The following SLTM variants were observed in gnomAD, a reference collection of about 807,000 sequenced individuals.
The protein encoded by SLTM is SAFB-like transcription modulator.
Under a neutral mutation model 134.6 loss-of-function variants are expected in SLTM, and 43 were observed. That is an observed-to-expected ratio of 0.32 (90% confidence interval 0.25 to 0.41). SLTM has a LOEUF of 0.41. Ranked by LOEUF, SLTM falls within the 10% of genes least tolerant of loss-of-function variation. The pLI, the probability that SLTM is intolerant of heterozygous loss-of-function variation, is 1.00. For missense variants in SLTM, 1,055 were observed against 1,288.8 expected (o/e 0.82, Z 2.78); for synonymous variants, 424 against 432.3 (o/e 0.98, Z 0.24).
In SLTM at chr15:58,883,751, A is replaced by G. The variant is rs1352218854; in HGVS notation, c.2871T>C (p.His957=). The G allele has an allele frequency of 3.7e-6, 6 of 1,614,082 alleles. No individual in the cohort carries two copies. Among genetic ancestry groups the G allele is most frequent in the Admixed American group, 1.7e-5 (1 of 60,004 alleles). Residue 957 remains histidine (H), a synonymous_variant, in exon 20 of 21, where the codon CAT becomes CAC. Coordinates refer to ENST00000380516, the MANE Select transcript of SLTM (RefSeq NM_024755.4). ...TCCTTGGTCCGCTTGTGTCCCGTCC[A>G]TGGCGTTCAACCACATGTCGCTCCT... ...YPEERHVVER[H]GRDTSGPRKE...
chr15:58,894,508 T>C lies in SLTM; in HGVS notation c.1302A>G (p.Ser434=). The C allele has an allele frequency of 1.2e-6, 2 of 1,614,124 alleles. No individual in the cohort carries two copies. The part of the protein sequence containing the change: ...AKCYGIVTMS[S]STEVSRCIAH... ...CAATACACCTGGACACCTCTGTGCT[T>C]GAAGACATAGTTACAATGCCATAGC... Residue 434 remains serine, a synonymous_variant, in exon 10 of 21, where the codon TCA becomes TCG. Coordinates refer to ENST00000380516, the MANE Select transcript of SLTM (RefSeq NM_024755.4).
rs926892313 is a variant in SLTM at position 58,913,565 on chromosome 15, C to T, written c.447G>A (p.Lys149=). 3.7e-6 allele frequency: 6 copies of T among 1,613,288 alleles called. No individual in the cohort carries two copies. The highest frequency in any genetic ancestry group is 5.1e-6 in the Non-Finnish European group (6 of 1,179,872). The change falls in exon 4 of 21, where the codon AAG becomes AAA. Residue 149 remains lysine, a synonymous_variant. Transcript: ENST00000380516. The stretch of plus-strand genomic sequence containing the variant: ...CTGCCTCTATTAATTCATGAGCTCT[C>T]TTGTTTTCTTCTGCAGAGAGTAACT... ...SKELLSAEEN[K]RAHELIEAEG...
In SLTM at chr15:58,932,352, C is replaced by A; in HGVS notation, c.250+4G>T. 1 of 1,606,338 alleles carries A rather than the reference C, an allele frequency of 6.2e-7. No individual in the cohort carries two copies. On this transcript the variant is annotated splice_donor_region_variant and intron_variant, in intron 2 of 20. Coordinates refer to ENST00000380516, the MANE Select transcript of SLTM (RefSeq NM_024755.4). ...TTTAAAACATGTTCATAACTCGTAA[C>A]AACCTTTGCCTTTAGTTGGTTTCTT...
At chr15:58,902,438 G>C (rs1271088403) in intron 5 of SLTM, among the ~76,000 whole-genome samples, 2 of 150,194 alleles carry the variant, frequency 1.3e-5, no homozygotes, top group Admixed American at 1.3e-4. Context: ...CCAGGCTAGA[G>C]TGCAGCAGCA....
chr15:58,884,849 C>T (rs924549931), intron 19 of SLTM, among the ~76,000 whole-genome samples: 2 of 151,900 alleles, frequency 1.3e-5, no homozygotes, highest in African/African-American at 2.4e-5. Flanking sequence ...TGTCCAAGCT[C>T]GTCTCGAACC....
At chr15:58,930,461 T>TA (rs1465822582) in intron 2 of SLTM, among the ~76,000 whole-genome samples, 8 of 151,936 alleles carry the variant, frequency 5.3e-5, no homozygotes, top group Non-Finnish European at 1.2e-4. Flanking sequence ...CTGAATACCT[T>TA]AAGACCTCTT....
At chr15:58,930,776 G>T (rs1428296868) in intron 2 of SLTM, among the ~76,000 whole-genome samples, 1 of 147,604 alleles carries the variant, frequency 6.8e-6, no homozygotes, top group Non-Finnish European at 1.5e-5. Context: ...CATATATATA[G>T]ATATATATAC....
At chr15:58,925,311 A>C (rs2037381351) in intron 2 of SLTM, among the ~76,000 whole-genome samples, 1 of 152,118 alleles carries the variant, frequency 6.6e-6, no homozygotes, top group Non-Finnish European at 1.5e-5. Flanking sequence ...TCTTAAACAC[A>C]ACAGTCATAC....
chr15:58,927,240 G>C (rs1364946837), intron 2 of SLTM, among the ~76,000 whole-genome samples: 1 of 151,694 alleles, frequency 6.6e-6, no homozygotes, highest in African/African-American at 2.4e-5. Context: ...TCTTTTTTTT[G>C]TTTGTTTTCT....
chr15:58,906,272 A>G (rs1231356429), intron 5 of SLTM, among the ~76,000 whole-genome samples: 1 of 152,206 alleles, frequency 6.6e-6, no homozygotes, highest in East Asian at 1.9e-4. Flanking sequence ...TAAAACATTT[A>G]TTTGTCAAAT....
At chr15:58,888,810 C>A in intron 16 of SLTM, 1 of 320,490 alleles carries the variant, frequency 3.1e-6, no homozygotes, top group Non-Finnish European at 5.7e-6. Flanking sequence ...ATGGAAAAGA[C>A]ATTTAGCATT....
chr15:58,919,561 G>C (rs1185119387), intron 2 of SLTM, among the ~76,000 whole-genome samples: 4 of 152,076 alleles, frequency 2.6e-5, no homozygotes, highest in Admixed American at 6.6e-5. Context: ...AGGAGGGCAA[G>C]GCTGCAGTGA....
chr15:58,885,849 A>T (rs1323001174), intron 19 of SLTM, among the ~76,000 whole-genome samples: 1 of 152,100 alleles, frequency 6.6e-6, no homozygotes, highest in Non-Finnish European at 1.5e-5. Context: ...GTATTAAAAT[A>T]CAAAACAAAC....
At chr15:58,884,835 A>G (rs1256846987) in intron 19 of SLTM, among the ~76,000 whole-genome samples, 2 of 151,540 alleles carry the variant, frequency 1.3e-5, no homozygotes, top group African/African-American at 4.9e-5. Context: ...GGGTCTCACT[A>G]TATTGTCCAA....
intron 19 of SLTM, among the ~76,000 whole-genome samples, chr15:58,885,794 C>CA (rs1441846102): frequency 1.3e-5 from 2 of 150,420 alleles, no homozygotes; most frequent in Non-Finnish European, 3.0e-5. Context: ...AAAAAACAAA[C>CA]AAACAAAACA....
Position 58,893,992 on chromosome 15 carries a change from C to T in SLTM, c.1482-5G>A. 1 of 1,605,422 alleles carries T rather than the reference C, an allele frequency of 6.2e-7. No individual in the cohort carries two copies. Among genetic ancestry groups the T allele is most frequent in the South Asian group, 1.1e-5 (1 of 88,876 alleles). On this transcript the variant is annotated splice_polypyrimidine_tract_variant and splice_region_variant and intron_variant, in intron 11 of 20. Coordinates refer to ENST00000380516, the MANE Select transcript of SLTM (RefSeq NM_024755.4). ...TTTTTGACAGAGGCTTGTGTCCTGA[C>T]CATACCGCCCCAGACAAAAAAACAG...
chr15:58,915,952 T>A (rs899197666), intron 3 of SLTM, among the ~76,000 whole-genome samples: 1 of 151,828 alleles, frequency 6.6e-6, no homozygotes, highest in East Asian at 1.9e-4. Flanking sequence ...AAGCAGTAGA[T>A]CACTTTTCAT....
chr15:58,912,335 G>A (rs1341214421), intron 5 of SLTM, among the ~76,000 whole-genome samples: 12 of 152,028 alleles, frequency 7.9e-5, no homozygotes, highest in Non-Finnish European at 1.3e-4. Context: ...TCCTGACCTC[G>A]TGAACCGCCC....
chr15:58,880,251 C>A, intron 20 of SLTM, 144 bp from the exon 21 acceptor site: 6 of 1,094,992 alleles, frequency 5.5e-6, no homozygotes, highest in Non-Finnish European at 7.3e-6. Context: ...CATTGCTAAC[C>A]CCACTTTACT....
Sources: allele counts gnomAD v4.1 joint callset (sites outside exome capture counted in the v4.1 genomes callset), GRCh38; gene constraint gnomAD v4.1.1; transcripts MANE v1.5; gene names NCBI Gene and HGNC (gene_info 2026-07-23, HGNC 2026-07-21).